Variants in UNC13A observed in about 807,000 individuals in gnomAD.
UNC13A encodes protein unc-13 homolog A.
UNC13A carries 61 observed loss-of-function variants against 219.7 expected under a neutral mutation model. The observed-to-expected ratio is 0.28, with a 90% CI of 0.23 to 0.34. UNC13A has a LOEUF of 0.34. Ranked by LOEUF, UNC13A falls within the 10% of genes least tolerant of loss-of-function variation. The probability of loss-of-function intolerance (pLI) is 1.00; values close to 1 mark genes in which losing one functional copy is unlikely to be tolerated. For missense variants in UNC13A, 1,476 were observed against 2,270.3 expected (o/e 0.65, Z 7.11); for synonymous variants, 920 against 884.6 (o/e 1.04, Z -0.71).
At chr19:17,610,367 A>G (rs2076589373) in intron 42 of UNC13A, among the ~76,000 whole-genome samples, 1 of 152,152 alleles carries the variant, frequency 6.6e-6, no homozygotes, top group Non-Finnish European at 1.5e-5. Context: ...TTGTGGGGCT[A>G]AAGCAGGAGG....
In UNC13A at chr19:17,674,374, C is replaced by A. The variant is rs1054720350; in HGVS notation, c.152+283G>T. Among the ~76,000 whole-genome samples, 8 of 152,164 alleles carry A rather than the reference C, an allele frequency of 5.3e-5. No individual in the cohort carries two copies. Among genetic ancestry groups the A allele is most frequent in the Non-Finnish European group, 1.0e-4 (7 of 68,040 alleles). The stretch of plus-strand genomic sequence containing the variant: ...TGTGATTTGCAGTTTTAAAAATATC[C>A]CCCTGGCTGCCTGGAGGAGAACAGA... On this transcript the variant is annotated intron_variant, in intron 3 of 43. Coordinates refer to ENST00000519716, the MANE Select transcript of UNC13A (RefSeq NM_001080421.3). This position sits in a 1 kb window ranked among gnomAD's most constrained non-coding sequence, Gnocchi z 5.0.
chr19:17,616,377 C>G (rs972187963), intron 41 of UNC13A: 1 of 632,902 alleles, frequency 1.6e-6, no homozygotes, highest in Non-Finnish European at 2.9e-6. Flanking sequence ...GCACCAGGCG[C>G]GGGCGGCGGG....
Position 17,606,213 on chromosome 19 carries a change from G to C in UNC13A, c.4953C>G (p.Cys1651Trp). ...GGATGCGGCGGCCGAGCGGCAGCCA[G>C]CAGGCGGCGCTCCCGCGCTGGGCCA... Reference protein sequence around the residue: ...RELAQRGSAACWLPLGRRIHM... With the variant: ...RELAQRGSAAWWLPLGRRIHM... Residue 1651 changes from cysteine to tryptophan, a missense_variant, in exon 44 of 44, where the codon TGC (cysteine) becomes TGG (tryptophan). Coordinates refer to ENST00000519716, the MANE Select transcript of UNC13A (RefSeq NM_001080421.3). 6.4e-7 allele frequency: 1 copy of C among 1,554,978 alleles called. No individual in the cohort carries two copies. Among genetic ancestry groups the C allele is most frequent in the South Asian group, 1.2e-5 (1 of 84,660 alleles).
intron 17 of UNC13A, among the ~76,000 whole-genome samples, chr19:17,646,649 C>A (rs1436392069): frequency 1.3e-5 from 2 of 152,100 alleles, no homozygotes; most frequent in African/African-American, 2.4e-5. Context: ...CCATTGCCCC[C>A]CGAGATCTCC....
At chr19:17,644,030 T>A (rs1599369321) in intron 19 of UNC13A, among the ~76,000 whole-genome samples, 1 of 152,202 alleles carries the variant, frequency 6.6e-6, no homozygotes, top group Non-Finnish European at 1.5e-5. Context: ...GGGTCCTTTC[T>A]ACCCCCTCAG....
intron 8 of UNC13A, among the ~76,000 whole-genome samples, chr19:17,661,608 T>C (rs12977429): frequency 0.069 from 10,456 of 151,836 alleles, 592 homozygotes; most frequent in African/African-American, 0.15. Context: ...GCAAGAGAAC[T>C]GCTTGAACCC....
At chr19:17,630,830 C>A in intron 28 of UNC13A, 80 bp from the exon 29 acceptor site, 1 of 1,314,456 alleles carries the variant, frequency 7.6e-7, no homozygotes, top group South Asian at 1.3e-5. Context: ...GACCCACTAA[C>A]GAGTGGAGCT....
At chr19:17,647,102 C>T (rs998347262) in intron 17 of UNC13A, among the ~76,000 whole-genome samples, 163 bp downstream of exon 17, 3 of 152,198 alleles carry the variant, frequency 2.0e-5, no homozygotes, top group African/African-American at 7.2e-5. Context: ...TTTGGAGGCA[C>T]GCATGTCCCC....
rs1179329948 is a variant in UNC13A, at chr19:17,674,677, G to T, written c.132C>A (p.Ser44Arg). 6.2e-7 allele frequency: 1 copy of T among 1,613,874 alleles called. No individual in the cohort carries two copies. Among genetic ancestry groups the T allele is most frequent in the East Asian group, 2.2e-5 (1 of 44,882 alleles). Reference sequence around the variant, plus strand: ...CTCACAACATGAAATCCTGCTCCCAGCTGGGCTGGCTGCCCCGCACCGCGA... The same window carrying T: ...CTCACAACATGAAATCCTGCTCCCATCTGGGCTGGCTGCCCCGCACCGCGA... Reference protein sequence around the residue: ...TTIAVRGSQPSWEQDFMFEIN... With the variant: ...TTIAVRGSQPRWEQDFMFEIN... The change falls in exon 3 of 44, where the codon AGC (serine) becomes AGA (arginine). Residue 44 changes from serine to arginine, a missense_variant. Transcript: ENST00000519716. The surrounding 1 kb of genome is among the most constrained non-coding windows in gnomAD (Gnocchi z 5.0).
At chr19:17,675,022 T>G (rs1788158357) in intron 2 of UNC13A, among the ~76,000 whole-genome samples, 1 of 152,144 alleles carries the variant, frequency 6.6e-6, no homozygotes. Context: ...GGAACAAAAT[T>G]GACTGTAAGA....
chr19:17,685,996 A>C, intron 1 of UNC13A, among the ~76,000 whole-genome samples: 2 of 147,938 alleles, frequency 1.4e-5, no homozygotes, highest in Non-Finnish European at 3.0e-5. Flanking sequence ...CTCACCCAGC[A>C]CTTCTCCCTC....
intron 8 of UNC13A, among the ~76,000 whole-genome samples, chr19:17,661,724 A>G (rs2079553797): frequency 1.3e-5 from 2 of 152,032 alleles, no homozygotes; most frequent in East Asian, 3.9e-4. Flanking sequence ...AAGGAAAGAA[A>G]GAATAGAGGA....
At chr19:17,654,754 T>A (rs1360116510) in intron 11 of UNC13A, among the ~76,000 whole-genome samples, 1 of 152,148 alleles carries the variant, frequency 6.6e-6, no homozygotes, top group Admixed American at 6.6e-5. Context: ...CCCCTTTGCC[T>A]AACACCAATT....
In UNC13A at chr19:17,656,161, C is replaced by A. The variant is rs764050434; in HGVS notation, c.1005G>T (p.Glu335Asp). The A allele has an allele frequency of 5.0e-5, 77 of 1,552,344 alleles. 2 individuals carry two copies. The Middle Eastern group carries it at 6.7e-4, about 13-fold the overall frequency. Residue 335 changes from glutamate (E) to aspartate (D), a missense_variant, in exon 10 of 44, where the codon GAG becomes GAT. This residue lies in a region of UNC13A where 351 missense variants were observed against 342.6 expected (regional missense o/e 1.02). Transcript: ENST00000519716. The stretch of plus-strand genomic sequence containing the variant: ...GCTCCTCCTCATCTTCAGGCAGCTC[C>A]TCCTCCTCCAGGAAGTCCTCCAGGT... Reference protein sequence around the residue: ...EEDLEDFLEEEELPEDEEELE... With the variant: ...EEDLEDFLEEDELPEDEEELE...
chr19:17,661,832 A>G (rs2079555800), intron 8 of UNC13A, among the ~76,000 whole-genome samples: 1 of 152,214 alleles, frequency 6.6e-6, no homozygotes, highest in South Asian at 2.1e-4. Flanking sequence ...GGCGCACAGC[A>G]GGAGGTGGGC....
At position 17,605,734 on chromosome 19, in the gene UNC13A, A is replaced by C. The variant is rs771122749; in HGVS notation, c.*320T>G. On this transcript the variant is annotated 3_prime_UTR_variant, in exon 44 of 44. Transcript: ENST00000519716. ...TGCCTCCCGGTACCAGAGCCCCGGGATGTGGCCTCCTCCATAGGGACGAGG... is the reference window on the plus strand; with the variant it reads ...TGCCTCCCGGTACCAGAGCCCCGGGCTGTGGCCTCCTCCATAGGGACGAGG... 1.7e-5 allele frequency: 5 copies of C among 293,410 alleles called. No homozygotes were observed. The highest frequency in any genetic ancestry group is 3.1e-5 in the Non-Finnish European group (5 of 159,440). The allele number at this position is 293,410 out of a possible 1,614,324, so 18.2% of individuals were successfully genotyped here.
At chr19:17,679,843 C>G (rs2079972768) in intron 1 of UNC13A, among the ~76,000 whole-genome samples, 1 of 152,098 alleles carries the variant, frequency 6.6e-6, no homozygotes, top group Non-Finnish European at 1.5e-5. Context: ...CTCCTCTTCC[C>G]TAAGCCTCAG....
In UNC13A at chr19:17,649,365, A is replaced by G; in HGVS notation, c.1519-21T>C. 1 of 1,605,106 alleles carries G rather than the reference A, an allele frequency of 6.2e-7. No individual in the cohort carries two copies. The highest frequency in any genetic ancestry group is 8.5e-7 in the Non-Finnish European group (1 of 1,177,422). On this transcript the variant is annotated intron_variant, in intron 13 of 43. Coordinates refer to ENST00000519716, the MANE Select transcript of UNC13A (RefSeq NM_001080421.3). The surrounding 1 kb of genome is among the most constrained non-coding windows in gnomAD (Gnocchi z 4.4). ...ATGGCCTGAAGTGTCCACGCAGCAC[A>G]TGGGGGTAGAAATCAGACTACATTA...
chr19:17,615,316 C>A (rs1188773538), intron 41 of UNC13A, among the ~76,000 whole-genome samples: 1 of 151,960 alleles, frequency 6.6e-6, no homozygotes, highest in Non-Finnish European at 1.5e-5. Context: ...CAGGAGGTGG[C>A]GGCTGCAGTG....
Sources: allele counts gnomAD v4.1 joint callset (sites outside exome capture counted in the v4.1 genomes callset), GRCh38; gene constraint gnomAD v4.1.1; regional missense constraint gnomAD v4.1.1; non-coding constraint Gnocchi (gnomAD v3.1); transcripts MANE v1.5; gene names NCBI Gene and HGNC (gene_info 2026-07-23, HGNC 2026-07-21).